NPSR1: variants seen among roughly 807,000 people sequenced by gnomAD.
NPSR1 encodes neuropeptide S receptor.
NPSR1 carries 48 observed loss-of-function variants against 46.9 expected under a neutral mutation model. The ratio of observed to expected loss-of-function variants is 1.02; its 90% CI spans 0.81 to 1.30. The LOEUF (loss-of-function observed/expected upper bound fraction) is 1.30. NPSR1 is among the 50% of genes most tolerant of loss of function. The probability of loss-of-function intolerance (pLI) is 0.00; values close to 1 mark genes in which losing one functional copy is unlikely to be tolerated. For synonymous variants in NPSR1, 176 were observed against 168.1 expected (o/e 1.05, Z -0.36); for missense variants, 450 against 449.5 (o/e 1.00, Z -0.01).
At chr7:34,846,134 A>G (rs1343934014) in intron 7 of NPSR1, among the ~76,000 whole-genome samples, 2 of 152,230 alleles carry the variant, frequency 1.3e-5, no homozygotes, top group African/African-American at 4.8e-5. Flanking sequence ...AGGCTTCTGA[A>G]GTGGATCAAA....
At chr7:34,764,794 A>G (rs750510346) in intron 2 of NPSR1, among the ~76,000 whole-genome samples, 1 of 152,186 alleles carries the variant, frequency 6.6e-6, no homozygotes, top group Non-Finnish European at 1.5e-5. Flanking sequence ...TGCAACACCC[A>G]TCACAGATAC....
At chr7:34,703,591 C>T (rs936564522) in intron 2 of NPSR1, among the ~76,000 whole-genome samples, 4 of 152,004 alleles carry the variant, frequency 2.6e-5, no homozygotes, top group East Asian at 1.9e-4. Context: ...CACTTCTCCA[C>T]AATTTTGATC....
At chr7:34,802,790 T>C (rs1788485467) in intron 3 of NPSR1, among the ~76,000 whole-genome samples, 1 of 150,134 alleles carries the variant, frequency 6.7e-6, no homozygotes, top group Non-Finnish European at 1.5e-5. Flanking sequence ...ACCTACAAAA[T>C]GGGAGACAAT....
chr7:34,687,215 C>T (rs1158753904), intron 2 of NPSR1, among the ~76,000 whole-genome samples: 2 of 151,192 alleles, frequency 1.3e-5, no homozygotes, highest in Non-Finnish European at 2.9e-5. Flanking sequence ...GAACTAGTTA[C>T]AATGATAAAC....
rs186689049 is a variant in NPSR1, at chr7:34,712,987, T to A, written c.280+28303T>A. 1.1e-3 allele frequency among the ~76,000 whole-genome samples: 164 copies of A among 152,332 alleles called. 1 individual carries two copies. The highest frequency in any genetic ancestry group is 1.8e-3 in the Non-Finnish European group (123 of 68,032). ...ATTAAAATCTAAATGGGGGGAAAAG[T>A]CCTCTACATTATCTAGGAGATCCAT... On this transcript the variant is annotated intron_variant, in intron 2 of 8. Coordinates refer to ENST00000360581, the MANE Select transcript of NPSR1 (RefSeq NM_207172.2).
chr7:34,756,169 T>A (rs1785829582), intron 2 of NPSR1, among the ~76,000 whole-genome samples: 1 of 152,076 alleles, frequency 6.6e-6, no homozygotes, highest in Non-Finnish European at 1.5e-5. Flanking sequence ...ACAGCTCGGA[T>A]TGTTCTCCCC....
intron 2 of NPSR1, among the ~76,000 whole-genome samples, chr7:34,722,478 T>G (rs1471449045): frequency 6.6e-6 from 1 of 152,220 alleles, no homozygotes; most frequent in East Asian, 1.9e-4. Context: ...GCATGCTTAT[T>G]ATGTTCTGTT....
intron 2 of NPSR1, among the ~76,000 whole-genome samples, chr7:34,742,969 G>A (rs1001775059): frequency 6.6e-6 from 1 of 152,124 alleles, no homozygotes; most frequent in East Asian, 1.9e-4. Flanking sequence ...AAAAGTGTCT[G>A]TTCATGTCTT....
chr7:34,866,681 G>A (rs1269421944), intron 8 of NPSR1, among the ~76,000 whole-genome samples: 1 of 151,554 alleles, frequency 6.6e-6, no homozygotes, highest in Non-Finnish European at 1.5e-5. Flanking sequence ...CAGATGCCTT[G>A]AGGTAAAAAC....
Position 34,684,547 on chromosome 7 carries a change from T to G in NPSR1, c.148-5T>G. 6.2e-7 allele frequency: 1 copy of G among 1,612,954 alleles called. No homozygotes were observed. The highest frequency in any genetic ancestry group is 8.5e-7 in the Non-Finnish European group (1 of 1,179,596). On this transcript the variant is annotated splice_region_variant and splice_polypyrimidine_tract_variant and intron_variant, in intron 1 of 8. Coordinates refer to ENST00000360581, the MANE Select transcript of NPSR1 (RefSeq NM_207172.2). ...ACTGGTTTTATTTTTCTCTGTTTCT[T>G]GCAGACTGAGCAATTGATAACTCTG...
intron 8 of NPSR1, among the ~76,000 whole-genome samples, chr7:34,874,151 A>G (rs1791524105): frequency 6.7e-6 from 1 of 148,716 alleles, no homozygotes; most frequent in East Asian, 1.9e-4. Flanking sequence ...TTGGAACTAG[A>G]GGACGGTCCT....
At chr7:34,791,043 T>G (rs1412605375) in intron 3 of NPSR1, among the ~76,000 whole-genome samples, 3 of 116,456 alleles carry the variant, frequency 2.6e-5, no homozygotes, top group Admixed American at 9.5e-5. Context: ...TATATTATAT[T>G]ATATATGTTA....
At chr7:34,743,998 A>C (rs921441719) in intron 2 of NPSR1, among the ~76,000 whole-genome samples, 1 of 152,152 alleles carries the variant, frequency 6.6e-6, no homozygotes, top group Non-Finnish European at 1.5e-5. Context: ...CATTAGGTCA[A>C]GTTTGTTTGC....
At chr7:34,865,882 T>C (rs1373144940) in intron 8 of NPSR1, among the ~76,000 whole-genome samples, 1 of 151,718 alleles carries the variant, frequency 6.6e-6, no homozygotes, top group African/African-American at 2.4e-5. Context: ...TGCATTCTTC[T>C]TTTTAACAAT....
At chr7:34,687,764 C>T (rs781344002) in intron 2 of NPSR1, among the ~76,000 whole-genome samples, 6 of 152,116 alleles carry the variant, frequency 3.9e-5, no homozygotes, top group Admixed American at 6.6e-5. Flanking sequence ...TAGGCCAATA[C>T]GCCTACCTAC....
chr7:34,873,329 A>G (rs1233204003), intron 8 of NPSR1, among the ~76,000 whole-genome samples: 1 of 151,744 alleles, frequency 6.6e-6, no homozygotes, highest in Non-Finnish European at 1.5e-5. Context: ...CCACATTTTT[A>G]GGTACCTTTT....
intron 3 of NPSR1, among the ~76,000 whole-genome samples, chr7:34,806,691 A>G (rs550587189): frequency 6.6e-6 from 1 of 152,274 alleles, no homozygotes; most frequent in Non-Finnish European, 1.5e-5. Context: ...TTGGTTCATC[A>G]GTTTTAACAA....
chr7:34,728,081 TTTA>T (rs1461218272), intron 2 of NPSR1, among the ~76,000 whole-genome samples: 1 of 151,954 alleles, frequency 6.6e-6, no homozygotes, highest in Non-Finnish European at 1.5e-5. Context: ...GTAAGTTTTT[TTTA>T]TTATTATTAT....
At chr7:34,738,102 C>T (rs324389) in intron 2 of NPSR1, among the ~76,000 whole-genome samples, 51,607 of 152,056 alleles carry the variant, frequency 0.34, 9,004 homozygotes, top group East Asian at 0.44. Flanking sequence ...GGTTGAAGGC[C>T]AGGAGAGAGC....
Sources: gnomAD v4.1 joint callset for allele counts (sites outside exome capture counted in the v4.1 genomes callset) on GRCh38, gnomAD v4.1.1 for gene constraint, MANE v1.5 for transcripts, NCBI Gene and HGNC (gene_info 2026-07-23, HGNC 2026-07-21) for gene names.